Variants in PRMT8 observed in about 807,000 individuals in gnomAD.
The protein encoded by PRMT8 is protein arginine N-methyltransferase 8.
In PRMT8, 7 loss-of-function variants were observed where a neutral mutation model predicts 47.1. The observed-to-expected ratio is 0.15, with a 90% CI of 0.08 to 0.28. The LOEUF (loss-of-function observed/expected upper bound fraction) is 0.28. Among genes scored for constraint, PRMT8 ranks in the 10% least tolerant of loss-of-function variants. The probability of loss-of-function intolerance (pLI) is 1.00; values close to 1 mark genes in which losing one functional copy is unlikely to be tolerated. For synonymous variants in PRMT8, 188 were observed against 186.5 expected (o/e 1.01, Z -0.07); for missense variants, 237 against 505.4 (o/e 0.47, Z 5.09).
Position 3,540,613 on chromosome 12 carries a change from G to GCCCCCCCCGCCCCCCCCC in PRMT8, c.90_91insCGCCCCCCCCCCCCCCCC (p.Pro30_Ser31insArgProProProProPro). 2 of 1,130,522 alleles carry GCCCCCCCCGCCCCCCCCC rather than the reference G, an allele frequency of 1.8e-6. No individual in the cohort carries two copies. Among genetic ancestry groups the GCCCCCCCCGCCCCCCCCC allele is most frequent in the Non-Finnish European group, 2.7e-6 (2 of 752,492 alleles). The allele number at this position is 1,130,522 out of a possible 1,614,324, so 70.0% of individuals were successfully genotyped here. A position where few individuals can be genotyped will look rare whatever the true frequency, so the allele number is the denominator to read the frequency against. On this transcript the variant is annotated inframe_insertion, in exon 2 of 10. Transcript: ENST00000382622. ...CCCTTCTCTTCCCCTCAGGTGAACA[G>GCCCCCCCCGCCCCCCCCC]CCCCCCCTCCCAGCCCCCCCAGCCC...
chr12:3,436,117 G>A lies in PRMT8; in HGVS notation c.48+54675G>A, dbSNP rs1313046555. Among the ~76,000 whole-genome samples, 3 of 152,240 alleles carry A rather than the reference G, an allele frequency of 2.0e-5. No homozygotes were observed. The highest frequency in any genetic ancestry group is 7.2e-5 in the African/African-American group (3 of 41,532). Reference sequence around the variant, plus strand: ...TGGTTGCCCTGTGACTTTGAGTGAAGGTTATTGGGTGCCTCAGGCCCTGCT... The same window carrying A: ...TGGTTGCCCTGTGACTTTGAGTGAAAGTTATTGGGTGCCTCAGGCCCTGCT... On this transcript the variant is annotated intron_variant, in intron 1 of 9. Transcript: ENST00000452611. The surrounding 1 kb of genome is among the most constrained non-coding windows in gnomAD (Gnocchi z 4.2).
intron 1 of PRMT8, among the ~76,000 whole-genome samples, chr12:3,455,145 T>C (rs1419559345): frequency 1.3e-5 from 2 of 152,118 alleles, no homozygotes; most frequent in East Asian, 1.9e-4. Context: ...ATTAAACTCT[T>C]TCTCTGCTGC....
chr12:3,457,423 C>A (rs969164552), intron 1 of PRMT8, among the ~76,000 whole-genome samples: 1 of 152,184 alleles, frequency 6.6e-6, no homozygotes. Context: ...GTCCTCCTAC[C>A]TCAGCCTCCT....
At chr12:3,592,972 C>G in intron 9 of PRMT8, 127 bp from the exon 10 acceptor site, 1 of 722,610 alleles carries the variant, frequency 1.4e-6, no homozygotes, top group Non-Finnish European at 2.4e-6. Flanking sequence ...AACCCCTTAG[C>G]CAGAAAGCCT....
chr12:3,547,525 C>T (rs555788188), intron 2 of PRMT8, among the ~76,000 whole-genome samples: 71 of 152,130 alleles, frequency 4.7e-4, no homozygotes, highest in Non-Finnish European at 7.6e-4. Flanking sequence ...CATCTGTAAC[C>T]GCAGCACCTT....
chr12:3,578,685 A>T (rs1866995958), intron 7 of PRMT8, among the ~76,000 whole-genome samples: 1 of 152,184 alleles, frequency 6.6e-6, no homozygotes, highest in Non-Finnish European at 1.5e-5. Flanking sequence ...GTTCAGGGCC[A>T]CTAAGGACGG....
chr12:3,586,903 G>A (rs538215096), intron 8 of PRMT8, among the ~76,000 whole-genome samples: 1 of 152,324 alleles, frequency 6.6e-6, no homozygotes, highest in African/African-American at 2.4e-5. Flanking sequence ...TAGCAATGGG[G>A]GTGGGAGAAT....
intron 7 of PRMT8, among the ~76,000 whole-genome samples, chr12:3,579,974 G>A (rs933222650): frequency 2.0e-5 from 3 of 152,076 alleles, no homozygotes; most frequent in African/African-American, 4.8e-5. Flanking sequence ...CCTCCTAGTC[G>A]AGGGGCTGGG....
chr12:3,527,989 G>A (rs1252222703), intron 1 of PRMT8, among the ~76,000 whole-genome samples: 1 of 152,130 alleles, frequency 6.6e-6, no homozygotes, highest in Non-Finnish European at 1.5e-5. Context: ...TCTAGCTTGT[G>A]TTGTTTCTTA....
Position 3,580,460 on chromosome 12 carries a change from A to G in PRMT8, c.829-2598A>G, listed in dbSNP as rs947305240. The stretch of plus-strand genomic sequence containing the variant: ...GAAGGTTATAGATCCAGAGACTGAC[A>G]CAGTCTGGATGAACCTGAGTTACGA... On this transcript the variant is annotated intron_variant, in intron 7 of 9. Coordinates refer to ENST00000382622, the MANE Select transcript of PRMT8 (RefSeq NM_019854.5). The surrounding 1 kb of genome is among the most constrained non-coding windows in gnomAD (Gnocchi z 4.6). 2.6e-5 allele frequency among the ~76,000 whole-genome samples: 4 copies of G among 152,178 alleles called. No homozygotes were observed. Among genetic ancestry groups the G allele is most frequent in the Non-Finnish European group, 4.4e-5 (3 of 68,044 alleles).
chr12:3,485,082 A>C (rs1405529470), intron 1 of PRMT8, among the ~76,000 whole-genome samples: 1 of 152,176 alleles, frequency 6.6e-6, no homozygotes, highest in Non-Finnish European at 1.5e-5. Context: ...CAGGTAACTG[A>C]TGCCAATTAA....
rs774742683 is a variant in PRMT8 at position 3,553,729 on chromosome 12, T to A, written c.481+15T>A. 2 of 1,567,280 alleles carry A rather than the reference T, an allele frequency of 1.3e-6. No homozygotes were observed. The highest frequency in any genetic ancestry group is 1.8e-6 in the Non-Finnish European group (2 of 1,137,592). ...CTTGGACAACAGTAAGACATACCTC[T>A]GAGTGTTTTCTCCTGGATGGAGGGG... On this transcript the variant is annotated intron_variant, in intron 4 of 9. Transcript: ENST00000382622.
At chr12:3,406,437 T>G (rs566190661) in intron 1 of PRMT8, among the ~76,000 whole-genome samples, 1 of 152,360 alleles carries the variant, frequency 6.6e-6, no homozygotes, top group East Asian at 1.9e-4. Flanking sequence ...CCCAGAAAAT[T>G]GATTTTTCTT....
rs1418781705 is a variant in PRMT8 at position 3,553,574 on chromosome 12, C to T, written c.418-77C>T. The T allele has an allele frequency of 4.0e-6, 5 of 1,244,838 alleles. No homozygotes were observed. The East Asian group carries it at 1.2e-4, about 29-fold the overall frequency. The allele number at this position is 1,244,838 out of a possible 1,614,324, so 77.1% of individuals were successfully genotyped here. On this transcript the variant is annotated intron_variant, in intron 3 of 9. Transcript: ENST00000382622. ...ACCACCCCTGTCTGGGCCTCAGCGT[C>T]TCTATCCATTGAATCGGTGTGGGTC...
At position 3,550,395 on chromosome 12, in the gene PRMT8, G is replaced by T; in HGVS notation, c.417+304G>T. 3.1e-6 allele frequency: 1 copy of T among 320,742 alleles called. No homozygotes were observed. The highest frequency in any genetic ancestry group is 5.9e-6 in the Non-Finnish European group (1 of 169,374). The allele number at this position is 320,742 out of a possible 1,614,324, so 19.9% of individuals were successfully genotyped here. On this transcript the variant is annotated intron_variant, in intron 3 of 9. Transcript: ENST00000382622. The surrounding 1 kb of genome is among the most constrained non-coding windows in gnomAD (Gnocchi z 5.1). ...CCCCAAGGTCAGCTTCAGAGGCAGT[G>T]CAGGTGGTTACTCGGGGGAGCTCTG...
intron 2 of PRMT8, among the ~76,000 whole-genome samples, chr12:3,546,235 G>A (rs1866325703): frequency 6.6e-6 from 1 of 152,048 alleles, no homozygotes; most frequent in Non-Finnish European, 1.5e-5. Flanking sequence ...AATGCTTATG[G>A]GGAAAAAAAG....
At chr12:3,525,302 C>A (rs969563439) in intron 1 of PRMT8, among the ~76,000 whole-genome samples, 1 of 152,076 alleles carries the variant, frequency 6.6e-6, no homozygotes, top group Non-Finnish European at 1.5e-5. Flanking sequence ...TTGTGGGTGT[C>A]AGATAGCAGA....
chr12:3,477,853 G>A (rs75682154), intron 1 of PRMT8, among the ~76,000 whole-genome samples: 2,098 of 152,252 alleles, frequency 0.014, 45 homozygotes, highest in African/African-American at 0.048. Context: ...AAGTTAATAA[G>A]CTCTGGTTTG....
At chr12:3,589,167 G>A (rs1387599354) in intron 8 of PRMT8, among the ~76,000 whole-genome samples, 2 of 152,282 alleles carry the variant, frequency 1.3e-5, no homozygotes, top group South Asian at 2.1e-4. Flanking sequence ...GCCATGTAAC[G>A]CATCTTTCCA....
Sources: allele counts gnomAD v4.1 joint callset (sites outside exome capture counted in the v4.1 genomes callset), GRCh38; gene constraint gnomAD v4.1.1; non-coding constraint Gnocchi (gnomAD v3.1); transcripts MANE v1.5; gene names NCBI Gene and HGNC (gene_info 2026-07-23, HGNC 2026-07-21).